The following AKR1B10 variants were observed in gnomAD, a reference collection of about 807,000 sequenced individuals.
AKR1B10 encodes aldo-keto reductase family 1 member B10.
AKR1B10 carries 39 observed loss-of-function variants against 38.9 expected under a neutral mutation model. That is an observed-to-expected ratio of 1.00 (90% CI 0.78 to 1.31). The LOEUF is 1.31. Among genes scored for constraint, AKR1B10 ranks in the 50% most tolerant of loss-of-function variants. AKR1B10 has a pLI of 0.00. For missense variants in AKR1B10, 361 were observed against 382.6 expected (o/e 0.94, Z 0.47); for synonymous variants, 148 against 141.2 (o/e 1.05, Z -0.34).
In AKR1B10 at chr7:134,539,715, C is replaced by T. The variant is rs1391885094; in HGVS notation, c.908+698C>T. ...TGCCTCTTAAAGGAGGTGGTGCTAA[C>T]TTTACTTAAAATCTTAGATAAGTGG... On this transcript the variant is annotated intron_variant, in intron 9 of 9. Coordinates refer to ENST00000359579, the MANE Select transcript of AKR1B10 (RefSeq NM_020299.5). Among the ~76,000 whole-genome samples the T allele has an allele frequency of 6.6e-5, 10 of 152,276 alleles. No individual in the cohort carries two copies. In the East Asian group the frequency reaches 1.9e-3, roughly 29 times the overall value.
At chr7:134,538,478 G>T (rs1045744779) in intron 8 of AKR1B10, among the ~76,000 whole-genome samples, 1 of 152,152 alleles carries the variant, frequency 6.6e-6, no homozygotes, top group Non-Finnish European at 1.5e-5. Context: ...TGGGGGCAGT[G>T]CCTGGTAAAG....
At chr7:134,539,816 A>G (rs1448599220) in intron 9 of AKR1B10, among the ~76,000 whole-genome samples, 1 of 152,242 alleles carries the variant, frequency 6.6e-6, no homozygotes, top group Non-Finnish European at 1.5e-5. Context: ...TGAATAATGT[A>G]TCTAATTAAA....
intron 6 of AKR1B10, 92 bp downstream of exon 6, chr7:134,537,249 G>A (rs1585756406): frequency 1.3e-6 from 2 of 1,487,396 alleles, no homozygotes; most frequent in East Asian, 4.9e-5. Flanking sequence ...ATAAGTTACT[G>A]GAAAGAAAAA....
chr7:134,529,709 C>A (rs548245415), intron 1 of AKR1B10, among the ~76,000 whole-genome samples: 1 of 152,230 alleles, frequency 6.6e-6, no homozygotes, highest in Non-Finnish European at 1.5e-5. Context: ...GTTTTAAGTG[C>A]TTTTTTGCCC....
chr7:134,530,501 G>T, intron 1 of AKR1B10, 142 bp from the exon 2 acceptor site: 1 of 852,628 alleles, frequency 1.2e-6, no homozygotes. Flanking sequence ...TATGATGGTT[G>T]CTGAGAGTGG....
At chr7:134,535,762 G>A in intron 4 of AKR1B10, 1 of 867,456 alleles carries the variant, frequency 1.2e-6, no homozygotes, top group Non-Finnish European at 1.4e-6. Flanking sequence ...CTCCATAGAA[G>A]GGAACTCTAG....
At chr7:134,528,494 C>T (rs1417820686) in intron 1 of AKR1B10, among the ~76,000 whole-genome samples, 4 of 152,138 alleles carry the variant, frequency 2.6e-5, no homozygotes, top group Admixed American at 6.5e-5. Context: ...GAAATCCAGA[C>T]GGGAGGGTTG....
chr7:134,527,944 C>A lies in AKR1B10; in HGVS notation c.33C>A (p.Ala11=). Residue 11 remains alanine, a synonymous_variant, in exon 1 of 10, where the codon GCC becomes GCA. Coordinates refer to ENST00000359579, the MANE Select transcript of AKR1B10 (RefSeq NM_020299.5). MATFVELSTK[A]KMPIVGLGTW... is the part of the protein sequence containing the mutation. ...CGTTTGTGGAGCTCAGTACCAAAGC[C>A]AAGATGCCCATTGTGGGCCTGGGCA... 6.2e-7 allele frequency: 1 copy of A among 1,613,926 alleles called. No homozygotes were observed. Among genetic ancestry groups the A allele is most frequent in the Non-Finnish European group, 8.5e-7 (1 of 1,179,980 alleles).
In AKR1B10 at chr7:134,538,187, C is replaced by T. The variant is rs766204329; in HGVS notation, c.742-7C>T. ...GAGTGGAAGCCTGATGTCCCCTTTC[C>T]GCATAGGTTCTGATCCGTTTCCATA... is the stretch of plus-strand genomic sequence containing the variant. On this transcript the variant is annotated splice_region_variant and splice_polypyrimidine_tract_variant and intron_variant, in intron 7 of 9. Transcript: ENST00000359579. The T allele has an allele frequency of 4.5e-5, 73 of 1,613,504 alleles. No individual in the cohort carries two copies. The Admixed American group carries it at 7.5e-4, about 17-fold the overall frequency.
intron 4 of AKR1B10, 101 bp from the exon 5 acceptor site, chr7:134,536,549 G>C: frequency 6.6e-7 from 1 of 1,516,114 alleles, no homozygotes; most frequent in Non-Finnish European, 8.8e-7. Context: ...ACCCTGTTAC[G>C]GTGGATCCTT....
chr7:134,527,733 C>CAAAA lies in AKR1B10; in HGVS notation c.-179_-178insAAAA. The CAAAA allele has an allele frequency of 5.5e-6, 3 of 544,822 alleles. No homozygotes were observed. The highest frequency in any genetic ancestry group is 8.3e-6 in the Non-Finnish European group (3 of 360,432). 33.7% of individuals were successfully genotyped at this position (544,822 alleles called of 1,614,324 possible). A position where few individuals can be genotyped will look rare whatever the true frequency, so the allele number is the denominator to read the frequency against. ...TCACGGTGGGCGCCTGTAATCCCAG[C>CAAAA]TACTCGGGAGGCTGAGGCAGGAGAA... On this transcript the variant is annotated 5_prime_UTR_variant, in exon 1 of 10. Coordinates refer to ENST00000359579, the MANE Select transcript of AKR1B10 (RefSeq NM_020299.5).
chr7:134,539,226 G>C (rs1808088062), intron 9 of AKR1B10, among the ~76,000 whole-genome samples: 1 of 152,138 alleles, frequency 6.6e-6, no homozygotes, highest in South Asian at 2.1e-4. Context: ...TCTGGATGTA[G>C]AGCTAGAATC....
chr7:134,530,212 C>T (rs1287165675), intron 1 of AKR1B10, among the ~76,000 whole-genome samples: 1 of 152,184 alleles, frequency 6.6e-6, no homozygotes, highest in Non-Finnish European at 1.5e-5. Flanking sequence ...AAGCTTTCAT[C>T]TGGGTCTTCA....
At chr7:134,534,997 T>A (rs1317556006) in intron 4 of AKR1B10, among the ~76,000 whole-genome samples, 1 of 152,152 alleles carries the variant, frequency 6.6e-6, no homozygotes, top group African/African-American at 2.4e-5. Flanking sequence ...TAATTTTTTT[T>A]TTTAATTTAG....
At chr7:134,540,991 T>A in intron 9 of AKR1B10, 56 bp from the exon 10 acceptor site, 1 of 1,249,570 alleles carries the variant, frequency 8.0e-7, no homozygotes, top group African/African-American at 1.5e-5. Flanking sequence ...TCAACCAGAG[T>A]TGTTGTTTTG....
Position 134,531,911 on chromosome 7 carries a change from T to C in AKR1B10, c.238T>C (p.Trp80Arg), listed in dbSNP as rs781034480. 1.8e-5 allele frequency: 29 copies of C among 1,613,996 alleles called. No homozygotes were observed. The African/African-American group carries it at 3.5e-4, about 19-fold the overall frequency. ...CTCATTGCTACACTCTTTGCAGTTG[T>C]GGCCCACTTTCTTTGAGAGACCCCT... ...REDLFIVSKLWPTFFERPLVR... is the reference protein window; with the variant it reads ...REDLFIVSKLRPTFFERPLVR... Residue 80 changes from tryptophan to arginine, a missense_variant, in exon 3 of 10, where the codon TGG becomes CGG. Trp to Arg is a moderately radical substitution (Grantham distance 101). Around this residue, in one of 3 missense-constraint regions of AKR1B10, gnomAD observed 220 missense variants for 216.1 expected, o/e 1.02. Transcript: ENST00000359579.
intron 1 of AKR1B10, among the ~76,000 whole-genome samples, chr7:134,529,524 G>A (rs1214072168): frequency 6.6e-6 from 1 of 152,168 alleles, no homozygotes; most frequent in Non-Finnish European, 1.5e-5. Context: ...TAGCAGTGGA[G>A]GTGAAGAAGG....
At chr7:134,532,211 T>C (rs931443084) in intron 3 of AKR1B10, among the ~76,000 whole-genome samples, 187 bp downstream of exon 3, 15 of 152,102 alleles carry the variant, frequency 9.9e-5, no homozygotes, top group African/African-American at 2.9e-4. Context: ...GTTGAGGCCA[T>C]GTGTGCTGCT....
rs773515819 is a variant in AKR1B10, at chr7:134,538,935, G to A, written c.826G>A (p.Val276Ile). ...TGTATTGGAACTCCTACCTTTCCAGGTCTTTGACTTTAAATTGAGTGATGA... is the reference window on the plus strand; with the variant it reads ...TGTATTGGAACTCCTACCTTTCCAGATCTTTGACTTTAAATTGAGTGATGA... ...TPARIVENIQ[V>I]FDFKLSDEEM... Residue 276 changes from valine (V) to isoleucine (I), a missense_variant and splice_region_variant, in exon 9 of 10, where the codon GTC becomes ATC. Physicochemically the swap from Val to Ile is conservative, Grantham distance 29. Transcript: ENST00000359579. The A allele has an allele frequency of 3.7e-6, 6 of 1,613,884 alleles. No homozygotes were observed. Among genetic ancestry groups the A allele is most frequent in the East Asian group, 4.5e-5 (2 of 44,850 alleles).
Sources: allele counts gnomAD v4.1 joint callset (sites outside exome capture counted in the v4.1 genomes callset), GRCh38; gene constraint gnomAD v4.1.1; regional missense constraint gnomAD v4.1.1; transcripts MANE v1.5; gene names NCBI Gene and HGNC (gene_info 2026-07-23, HGNC 2026-07-21).